Variants in EIF3M observed in about 807,000 individuals in gnomAD.
EIF3M encodes the protein eukaryotic translation initiation factor 3 subunit M, also known as B5 receptor.
A neutral mutation model predicts 49.7 loss-of-function variants in EIF3M; 25 were observed. The observed-to-expected ratio is 0.50, with a 90% CI of 0.37 to 0.70. EIF3M has a LOEUF of 0.70. Ranked by LOEUF, EIF3M falls within the 30% of genes least tolerant of loss-of-function variation. The pLI is 0.00. For missense variants in EIF3M, 350 were observed against 440.0 expected (o/e 0.80, Z 1.83); for synonymous variants, 156 against 149.8 (o/e 1.04, Z -0.30).
rs1275427558 is a variant in EIF3M, at chr11:32,601,744, T to G, written c.944-18T>G. 6.2e-7 allele frequency: 1 copy of G among 1,608,848 alleles called. No homozygotes were observed. On this transcript the variant is annotated intron_variant, in intron 9 of 10. Coordinates refer to ENST00000531120, the MANE Select transcript of EIF3M (RefSeq NM_006360.6). The stretch of plus-strand genomic sequence containing the variant: ...GAAATTTTCCATATAACATACGATA[T>G]AAAACATCTTTTTTCAGCCGTAAGA...
In EIF3M at chr11:32,603,063, A is replaced by C; in HGVS notation, c.*664A>C. ...ATTTTACCTTCGAAATTATTATACA[A>C]AAGATTTTAAAGAGTCTGTAAAGCC... On this transcript the variant is annotated 3_prime_UTR_variant, in exon 11 of 11. Transcript: ENST00000531120. 1 of 1,460,624 alleles carries C rather than the reference A, an allele frequency of 6.8e-7. No individual in the cohort carries two copies. The highest frequency in any genetic ancestry group is 9.4e-7 in the Non-Finnish European group (1 of 1,067,522). 90.5% of individuals were successfully genotyped at this position (1,460,624 alleles called of 1,614,324 possible).
chr11:32,602,133 T>G, intron 10 of EIF3M, 146 bp from the exon 11 acceptor site: 1 of 1,228,062 alleles, frequency 8.1e-7, no homozygotes, highest in Non-Finnish European at 1.1e-6. Flanking sequence ...TTTTTTTAAA[T>G]AATTATGTAA....
At position 32,603,295 on chromosome 11, in the gene EIF3M, T is replaced by C. The variant is rs1212692954; in HGVS notation, c.*896T>C. On this transcript the variant is annotated 3_prime_UTR_variant, in exon 11 of 11. Coordinates refer to ENST00000531120, the MANE Select transcript of EIF3M (RefSeq NM_006360.6). ...CTCCCATGCTTCAGAACACCATTGT[T>C]GAAGAAACAGGAAGGGCAGTGAGAT... 3.3e-6 allele frequency: 1 copy of C among 299,582 alleles called. No individual in the cohort carries two copies. Among genetic ancestry groups the C allele is most frequent in the Admixed American group, 4.6e-5 (1 of 21,628 alleles). The allele number at this position is 299,582 out of a possible 1,614,324, so 18.6% of individuals were successfully genotyped here. A position where few individuals can be genotyped will look rare whatever the true frequency, so the allele number is the denominator to read the frequency against.
At chr11:32,601,522 AAC>A in intron 9 of EIF3M, 9 of 257,576 alleles carry the variant, frequency 3.5e-5, no homozygotes, top group South Asian at 1.3e-4. Flanking sequence ...AAAAAAAAAA[AAC>A]AGCAAAAAAC....
intron 1 of EIF3M, 72 bp from the exon 2 acceptor site, chr11:32,586,933 GTTTTTCA>G: frequency 6.7e-7 from 1 of 1,482,434 alleles, no homozygotes; most frequent in Non-Finnish European, 9.0e-7. Flanking sequence ...TTCCGTTTTA[GTTTTTCA>G]GAAAGAGGAC....
At position 32,602,843 on chromosome 11, in the gene EIF3M, C is replaced by A; in HGVS notation, c.*444C>A. The A allele has an allele frequency of 6.2e-7, 1 of 1,607,496 alleles. No individual in the cohort carries two copies. Among genetic ancestry groups the A allele is most frequent in the East Asian group, 2.2e-5 (1 of 44,788 alleles). ...AATCTGTTGTTTTTTTCCAACGTCT[C>A]TTCTGCTTTTCTTTTCTTTGGCTGG... On this transcript the variant is annotated 3_prime_UTR_variant, in exon 11 of 11. Transcript: ENST00000531120.
At chr11:32,590,806 A>G (rs1855088550) in intron 5 of EIF3M, among the ~76,000 whole-genome samples, 1 of 151,782 alleles carries the variant, frequency 6.6e-6, no homozygotes, top group Non-Finnish European at 1.5e-5. Context: ...TGCCCCCTTC[A>G]TGACTTTATT....
intron 8 of EIF3M, among the ~76,000 whole-genome samples, chr11:32,597,744 C>T (rs967620018): frequency 6.6e-6 from 1 of 152,142 alleles, no homozygotes; most frequent in African/African-American, 2.4e-5. Context: ...AACTGTGAAA[C>T]TAAGGTGCTT....
At chr11:32,589,667 A>G (rs753105580) in intron 5 of EIF3M, 26 bp downstream of exon 5, 83 of 1,594,382 alleles carry the variant, frequency 5.2e-5, no homozygotes, top group Non-Finnish European at 7.0e-5. Context: ...GAACTAACAT[A>G]TCACTTAACA....
At chr11:32,601,710 T>A in intron 9 of EIF3M, 52 bp from the exon 10 acceptor site, 2 of 1,551,892 alleles carry the variant, frequency 1.3e-6, no homozygotes, top group Non-Finnish European at 1.8e-6. Context: ...ACCTTAGCTA[T>A]TTTTCTTGGA....
chr11:32,585,053 G>A (rs555598696), intron 1 of EIF3M, among the ~76,000 whole-genome samples: 1 of 152,274 alleles, frequency 6.6e-6, no homozygotes, highest in South Asian at 2.1e-4. Context: ...ACTTGTCTAA[G>A]ACAACTTACA....
rs1238790395 is a variant in EIF3M, at chr11:32,606,002, TCA to T, written c.*3604_*3605del. 1.6e-5 allele frequency: 2 copies of T among 122,788 alleles called. No individual in the cohort carries two copies. The highest frequency in any genetic ancestry group is 3.0e-5 in the African/African-American group (1 of 33,710). The allele number at this position is 122,788 out of a possible 1,614,324, so 7.6% of individuals were successfully genotyped here. ...AAAATTAAACTTAAATGAATCTAAT[TCA>T]TTGGATATATAAAAAAAAAAGTAAG... On this transcript the variant is annotated 3_prime_UTR_variant, in exon 11 of 11. Coordinates refer to ENST00000531120, the MANE Select transcript of EIF3M (RefSeq NM_006360.6).
At position 32,602,686 on chromosome 11, in the gene EIF3M, A is replaced by G; in HGVS notation, c.*287A>G. On this transcript the variant is annotated 3_prime_UTR_variant, in exon 11 of 11. Transcript: ENST00000531120. ...AAGTAGAGTAATACAATTTCTTCAC[A>G]TTAGAAAAACTTGGAAAAGCAAAGA... 3.5e-6 allele frequency: 3 copies of G among 868,576 alleles called. No homozygotes were observed. Among genetic ancestry groups the G allele is most frequent in the South Asian group, 3.8e-5 (2 of 52,426 alleles). The allele number at this position is 868,576 out of a possible 1,614,324, so 53.8% of individuals were successfully genotyped here. A position where few individuals can be genotyped will look rare whatever the true frequency, so the allele number is the denominator to read the frequency against.
rs755415957 is a variant in EIF3M, at chr11:32,603,013, G to T, written c.*614G>T. 3.7e-5 allele frequency: 59 copies of T among 1,590,358 alleles called. No individual in the cohort carries two copies. In the South Asian group the frequency reaches 4.3e-4, roughly 12 times the overall value. ...TAGTGGAGTTGATATCAGAGGCTTT[G>T]TTTTCACCTGGGAAAGATAAACTAA... On this transcript the variant is annotated 3_prime_UTR_variant, in exon 11 of 11. Coordinates refer to ENST00000531120, the MANE Select transcript of EIF3M (RefSeq NM_006360.6).
Position 32,602,390 on chromosome 11 carries a change from T to G in EIF3M, c.1116T>G (p.Ser372=), listed in dbSNP as rs1855284535. 6.2e-7 allele frequency: 1 copy of G among 1,610,950 alleles called. No individual in the cohort carries two copies. Among genetic ancestry groups the G allele is most frequent in the Non-Finnish European group, 8.5e-7 (1 of 1,178,338 alleles). The stretch of plus-strand genomic sequence containing the variant: ...TGAAAAACAGCCTTTTGAGTCTTTC[T>G]GATACCTGAGTTTTTATGCTTATAA... ...NKVKNSLLSL[S]DT Residue 372 remains serine (S), a synonymous_variant, in exon 11 of 11, where the codon TCT becomes TCG. Coordinates refer to ENST00000531120, the MANE Select transcript of EIF3M (RefSeq NM_006360.6).
Position 32,596,031 on chromosome 11 carries a change from C to A in EIF3M, c.783C>A (p.Asp261Glu). The change falls in exon 8 of 11, where the codon GAC becomes GAA. Residue 261 changes from aspartate (D) to glutamate (E), a missense_variant. Asp to Glu is a conservative substitution (Grantham distance 45). Coordinates refer to ENST00000531120, the MANE Select transcript of EIF3M (RefSeq NM_006360.6). ...SYVKFYQNNK[D>E]FIDSLGLLHE... ...TCAAGTTTTATCAGAATAATAAAGA[C>A]TTCATTGATTCACTTGGTAAGTTTT... 1 of 1,553,342 alleles carries A rather than the reference C, an allele frequency of 6.4e-7. No homozygotes were observed. Among genetic ancestry groups the A allele is most frequent in the Non-Finnish European group, 8.6e-7 (1 of 1,159,818 alleles).
chr11:32,598,746 T>G (rs1343567246), intron 8 of EIF3M, among the ~76,000 whole-genome samples: 1 of 152,048 alleles, frequency 6.6e-6, no homozygotes, highest in Non-Finnish European at 1.5e-5. Flanking sequence ...ATTTCAGGAG[T>G]ATTTAAAATA....
chr11:32,592,254 T>G, intron 5 of EIF3M: 1 of 431,080 alleles, frequency 2.3e-6, no homozygotes, highest in South Asian at 1.9e-5. Flanking sequence ...AAGGGCCCTT[T>G]TCACTTCACT....
rs140562244 is a variant in EIF3M, at chr11:32,589,071, G to T, written c.374G>T (p.Cys125Phe). Residue 125 changes from cysteine to phenylalanine, a missense_variant, in exon 4 of 11, where the codon TGC becomes TTC. Coordinates refer to ENST00000531120, the MANE Select transcript of EIF3M (RefSeq NM_006360.6). ...ACTCCTGTAAGATACACAGTGTATT[G>T]CAGCCTTATTAAAGTGGCAGCATCT... Reference protein sequence around the residue: ...KNTPVRYTVYCSLIKVAASCG... With the variant: ...KNTPVRYTVYFSLIKVAASCG... The T allele has an allele frequency of 3.7e-4, 590 of 1,614,032 alleles. No homozygotes were observed. The African/African-American group carries it at 7.4e-3, about 20-fold the overall frequency.
Sources: gnomAD v4.1 joint callset for allele counts (sites outside exome capture counted in the v4.1 genomes callset) on GRCh38, gnomAD v4.1.1 for gene constraint, MANE v1.5 for transcripts, NCBI Gene and HGNC (gene_info 2026-07-23, HGNC 2026-07-21) for gene names.